DDX10: variants seen among roughly 807,000 people sequenced by gnomAD.
DDX10 encodes the protein probable ATP-dependent RNA helicase DDX10.
A neutral mutation model predicts 104.3 loss-of-function variants in DDX10; 74 were observed. That is an observed-to-expected ratio of 0.71 (90% CI 0.59 to 0.86). DDX10 has a LOEUF of 0.86. Ranked by LOEUF, DDX10 falls within the 40% of genes least tolerant of loss-of-function variation. The pLI, the probability that DDX10 is intolerant of heterozygous loss-of-function variation, is 0.00. For synonymous variants in DDX10, 351 were observed against 353.4 expected (o/e 0.99, Z 0.08); for missense variants, 952 against 1,040.0 (o/e 0.92, Z 1.16).
At chr11:108,710,459 T>C (rs2094282786) in intron 10 of DDX10, among the ~76,000 whole-genome samples, 2 of 152,180 alleles carry the variant, frequency 1.3e-5, no homozygotes, top group Admixed American at 1.3e-4. Flanking sequence ...ACTTTTTTTT[T>C]TTTAAATGGA....
intron 17 of DDX10, among the ~76,000 whole-genome samples, chr11:108,933,851 C>T (rs1864004760): frequency 6.6e-6 from 1 of 152,132 alleles, no homozygotes; most frequent in Non-Finnish European, 1.5e-5. Context: ...TACAGTAGGC[C>T]AGTCAGATAC....
chr11:108,772,695 G>A lies in DDX10; in HGVS notation c.1965+49233G>A, dbSNP rs960357840. 3.3e-5 allele frequency among the ~76,000 whole-genome samples: 5 copies of A among 152,338 alleles called. No individual in the cohort carries two copies. The South Asian group carries it at 8.3e-4, about 25-fold the overall frequency. On this transcript the variant is annotated intron_variant, in intron 13 of 17. Coordinates refer to ENST00000322536, the MANE Select transcript of DDX10 (RefSeq NM_004398.4). ...CACACAGCAGAAGGTGAGCGGCCAG[G>A]CGGGTGAGCGGGCATTACCGCCTGA...
Position 108,677,048 on chromosome 11 carries a change from G to C in DDX10, c.379-37G>C. 4 of 1,576,480 alleles carry C rather than the reference G, an allele frequency of 2.5e-6. No individual in the cohort carries two copies. In the East Asian group the frequency reaches 9.1e-5, roughly 36 times the overall value. On this transcript the variant is annotated intron_variant, in intron 3 of 17. Transcript: ENST00000322536. ...GATGCAGGTCAAAAAGCTGACTTCT[G>C]ATGACTTACTGAACATGAATTTGCT... is the stretch of plus-strand genomic sequence containing the variant.
In DDX10 at chr11:108,688,748, GT is replaced by G. The variant is rs1284434656; in HGVS notation, c.849-187del. On this transcript the variant is annotated intron_variant, in intron 6 of 17. Coordinates refer to ENST00000322536, the MANE Select transcript of DDX10 (RefSeq NM_004398.4). ...CATTGATTTACAAGGGATTTTGAAT[GT>G]GTTTTAAAGTAATGTGTTGAATTTG... is the stretch of plus-strand genomic sequence containing the variant. 2.6e-5 allele frequency among the ~76,000 whole-genome samples: 4 copies of G among 152,178 alleles called. No individual in the cohort carries two copies. The East Asian group carries it at 7.7e-4, about 29-fold the overall frequency.
At chr11:108,790,537 T>C (rs1367041883) in intron 13 of DDX10, among the ~76,000 whole-genome samples, 3 of 152,192 alleles carry the variant, frequency 2.0e-5, no homozygotes, top group Non-Finnish European at 4.4e-5. Context: ...CTTTCTCCTC[T>C]CGTTTTCTGT....
Position 108,837,607 on chromosome 11 carries a change from C to CTTTTTTTTTTTTT in DDX10, c.1966-816_1966-804dup, listed in dbSNP as rs142381520. On this transcript the variant is annotated intron_variant, in intron 13 of 17. Coordinates refer to ENST00000322536, the MANE Select transcript of DDX10 (RefSeq NM_004398.4). Reference sequence around the variant, plus strand: ...TTCTGCATCTCACCTTTGGATACAGCTTTTTTTTTTTTTTTTTTTTTTTTT... The same window carrying CTTTTTTTTTTTTT: ...TTCTGCATCTCACCTTTGGATACAGCTTTTTTTTTTTTTTTTTTTTTTTTTTTTTTTTTTTTTT... Among the ~76,000 whole-genome samples, 22 of 34,750 alleles carry CTTTTTTTTTTTTT rather than the reference C, an allele frequency of 6.3e-4. 8 individuals carry two copies. The highest frequency in any genetic ancestry group is 1.6e-3 in the African/African-American group (13 of 7,928). The allele number at this position is 34,750 out of a possible 152,430, so 22.8% of individuals were successfully genotyped here. A position where few individuals can be genotyped will look rare whatever the true frequency, so the allele number is the denominator to read the frequency against.
At chr11:108,825,710 C>T (rs887278655) in intron 13 of DDX10, among the ~76,000 whole-genome samples, 3 of 152,152 alleles carry the variant, frequency 2.0e-5, no homozygotes, top group Admixed American at 1.3e-4. Context: ...TCATTGTATT[C>T]ATTGACCATT....
Position 108,940,663 on chromosome 11 carries a change from G to A in DDX10, c.*240G>A. On this transcript the variant is annotated 3_prime_UTR_variant, in exon 18 of 18. Transcript: ENST00000322536. ...TTCCTGACCCCGTTTTCCAGCATGT[G>A]TTCTGTTAGATTTTTATCCATGGGT... is the stretch of plus-strand genomic sequence containing the variant. 1 of 359,040 alleles carries A rather than the reference G, an allele frequency of 2.8e-6. No individual in the cohort carries two copies. The highest frequency in any genetic ancestry group is 6.8e-5 in the South Asian group (1 of 14,804). 22.2% of individuals were successfully genotyped at this position (359,040 alleles called of 1,614,324 possible).
chr11:108,808,761 C>T (rs998974597), intron 13 of DDX10, among the ~76,000 whole-genome samples: 3 of 151,742 alleles, frequency 2.0e-5, no homozygotes, highest in Non-Finnish European at 4.4e-5. Flanking sequence ...GGTGGCCCAC[C>T]TTTAAAAAAA....
At chr11:108,862,192 A>G (rs1455806134) in intron 16 of DDX10, among the ~76,000 whole-genome samples, 8 of 151,982 alleles carry the variant, frequency 5.3e-5, no homozygotes, top group Admixed American at 3.3e-4. Flanking sequence ...CTAATTTTCT[A>G]TTTTTATTTT....
intron 17 of DDX10, among the ~76,000 whole-genome samples, chr11:108,930,364 T>C (rs1863961088): frequency 6.6e-6 from 1 of 152,234 alleles, no homozygotes; most frequent in East Asian, 1.9e-4. Flanking sequence ...TAATATTCCA[T>C]TGTATGGATG....
intron 16 of DDX10, among the ~76,000 whole-genome samples, chr11:108,916,526 G>T (rs1863752971): frequency 6.6e-6 from 1 of 152,180 alleles, no homozygotes; most frequent in African/African-American, 2.4e-5. Flanking sequence ...TAGCATAATA[G>T]TGCTAGCACA....
chr11:108,748,013 G>A (rs952735621), intron 13 of DDX10, among the ~76,000 whole-genome samples: 3 of 152,056 alleles, frequency 2.0e-5, no homozygotes, highest in Non-Finnish European at 2.9e-5. Flanking sequence ...ACTGATGTGC[G>A]TGCAAAAAAT....
Position 108,940,570 on chromosome 11 carries a change from A to G in DDX10, c.*147A>G. 1.4e-6 allele frequency: 1 copy of G among 712,570 alleles called. No homozygotes were observed. Among genetic ancestry groups the G allele is most frequent in the Non-Finnish European group, 2.2e-6 (1 of 444,564 alleles). The allele number at this position is 712,570 out of a possible 1,614,324, so 44.1% of individuals were successfully genotyped here. On this transcript the variant is annotated 3_prime_UTR_variant, in exon 18 of 18. Coordinates refer to ENST00000322536, the MANE Select transcript of DDX10 (RefSeq NM_004398.4). ...CTGGATAGAAGCGATCGTATCTCCA[A>G]GTCCCTCTCACAGGACATGCTTTGT...
chr11:108,706,486 T>A (rs2094276377), intron 9 of DDX10, among the ~76,000 whole-genome samples: 1 of 152,166 alleles, frequency 6.6e-6, no homozygotes, highest in African/African-American at 2.4e-5. Flanking sequence ...GAAAATCTCT[T>A]TAATTGATTT....
intron 16 of DDX10, among the ~76,000 whole-genome samples, chr11:108,889,508 A>G (rs1377073800): frequency 6.6e-6 from 1 of 152,220 alleles, no homozygotes. Context: ...CACTAATATC[A>G]AATGTTAACT....
chr11:108,729,267 G>A (rs1480837462), intron 13 of DDX10, among the ~76,000 whole-genome samples: 1 of 152,042 alleles, frequency 6.6e-6, no homozygotes, highest in Non-Finnish European at 1.5e-5. Flanking sequence ...TCCTTATGCC[G>A]CTCTTATTGA....
At chr11:108,670,735 T>G (rs2094215894) in intron 1 of DDX10, among the ~76,000 whole-genome samples, 1 of 152,166 alleles carries the variant, frequency 6.6e-6, no homozygotes, top group South Asian at 2.1e-4. Flanking sequence ...GAATGACTCT[T>G]TGCATCTGGG....
At chr11:108,800,387 G>A (rs1015660759) in intron 13 of DDX10, among the ~76,000 whole-genome samples, 11 of 138,098 alleles carry the variant, frequency 8.0e-5, no homozygotes, top group African/African-American at 2.7e-4. Flanking sequence ...AGAGCTTGCA[G>A]TGAGCCGAGA....
Sources: allele counts gnomAD v4.1 joint callset (sites outside exome capture counted in the v4.1 genomes callset), GRCh38; gene constraint gnomAD v4.1.1; transcripts MANE v1.5; gene names NCBI Gene and HGNC (gene_info 2026-07-23, HGNC 2026-07-21).